Variants in TIAM2 observed in about 807,000 individuals in gnomAD.
The protein encoded by TIAM2 is TIAM Rac1 associated GEF 2.
A neutral mutation model predicts 152.9 loss-of-function variants in TIAM2; 80 were observed. The ratio of observed to expected loss-of-function variants is 0.52; its 90% CI spans 0.44 to 0.63. The LOEUF is 0.63. TIAM2 is among the 30% of genes least tolerant of loss of function. The pLI is 0.00. For synonymous variants in TIAM2, 804 were observed against 838.0 expected (o/e 0.96, Z 0.70); for missense variants, 1,965 against 2,120.1 (o/e 0.93, Z 1.44).
chr6:155,169,947 TA>T (rs1017171262), intron 9 of TIAM2, among the ~76,000 whole-genome samples: 9 of 152,032 alleles, frequency 5.9e-5, no homozygotes, highest in African/African-American at 2.2e-4. Context: ...GCCTCCTGAG[TA>T]GCTGGGATTA....
rs112988392 is a variant in TIAM2, at chr6:155,045,960, G to A, written c.-208-44329G>A. Among the ~76,000 whole-genome samples the A allele has an allele frequency of 2.0e-3, 302 of 150,636 alleles. 2 individuals carry two copies. Among genetic ancestry groups the A allele is most frequent in the African/African-American group, 6.8e-3 (277 of 40,474 alleles). ...TGTTTTAATGAGGAAGAGGAGGGGC[G>A]GGCGGGAGGTAGCAGGGGAGAGCAT... On this transcript the variant is annotated intron_variant, in intron 1 of 26. Coordinates refer to ENST00000682666, the MANE Select transcript of TIAM2 (RefSeq NM_012454.4).
chr6:155,250,133 A>G (rs573512449), intron 21 of TIAM2, among the ~76,000 whole-genome samples, 164 bp downstream of exon 21: 1 of 152,342 alleles, frequency 6.6e-6, no homozygotes, highest in South Asian at 2.1e-4. Flanking sequence ...ACATATAGAC[A>G]TATCATAAAA....
intron 1 of TIAM2, among the ~76,000 whole-genome samples, chr6:155,050,301 C>T (rs1777289240): frequency 1.3e-5 from 2 of 152,252 alleles, no homozygotes; most frequent in Admixed American, 6.5e-5. Context: ...GCTGGGATTA[C>T]AGGTGTGAGC....
chr6:155,254,528 C>G lies in TIAM2; in HGVS notation c.4423C>G (p.Arg1475Gly). The G allele has an allele frequency of 6.2e-7, 1 of 1,613,982 alleles. No homozygotes were observed. Among genetic ancestry groups the G allele is most frequent in the Non-Finnish European group, 8.5e-7 (1 of 1,179,870 alleles). The stretch of plus-strand genomic sequence containing the variant: ...ACCACTGGAGAAAACGTGTAAGGAT[C>G]GCCTGGTACCTCTTAAGAACCGAGT... ...ELPLEKTCKDRLVPLKNRVPV... is the reference protein window; with the variant it reads ...ELPLEKTCKDGLVPLKNRVPV... Residue 1475 changes from arginine to glycine, a missense_variant, in exon 26 of 27, where the codon CGC becomes GGC. Arg to Gly is a moderately radical substitution (Grantham distance 125). Around this residue, in one of 3 missense-constraint regions of TIAM2, gnomAD observed 935 missense variants for 980.0 expected, o/e 0.95. Coordinates refer to ENST00000682666, the MANE Select transcript of TIAM2 (RefSeq NM_012454.4).
chr6:155,168,718 A>G (rs960534712), intron 9 of TIAM2: 5 of 765,838 alleles, frequency 6.5e-6, no homozygotes, highest in African/African-American at 5.4e-5. Flanking sequence ...GAATAATGAT[A>G]CAAATTGTGA....
At chr6:155,086,112 G>A (rs536499106) in intron 1 of TIAM2, among the ~76,000 whole-genome samples, 1 of 152,206 alleles carries the variant, frequency 6.6e-6, no homozygotes, top group Non-Finnish European at 1.5e-5. Flanking sequence ...GCTCAGGGAA[G>A]CTTCATTGTT....
At chr6:155,224,918 G>GCATGC (rs1308913967) in intron 15 of TIAM2, among the ~76,000 whole-genome samples, 1 of 152,150 alleles carries the variant, frequency 6.6e-6, no homozygotes, top group East Asian at 1.9e-4. Context: ...TTCCTACCTT[G>GCATGC]CATGCCACTC....
Position 155,176,916 on chromosome 6 carries a change from GA to G in TIAM2, c.2463del (p.Val822LeufsTer3). ...TATGTCCACTTTCAGGACAATCACG[GA>G]GTTACTGTAGGGATCAAGCCAGAGC... ...QTYVHFQDNH[G>X]VTVGIKPEHR... On this transcript the variant is annotated frameshift_variant, in exon 10 of 27. Coordinates refer to ENST00000682666, the MANE Select transcript of TIAM2 (RefSeq NM_012454.4). LOFTEE classifies it high-confidence loss of function. 1 of 1,613,980 alleles carries G rather than the reference GA, an allele frequency of 6.2e-7. No homozygotes were observed. The highest frequency in any genetic ancestry group is 8.5e-7 in the Non-Finnish European group (1 of 1,179,978).
chr6:155,103,913 C>T (rs1778605672), intron 2 of TIAM2, among the ~76,000 whole-genome samples: 1 of 151,558 alleles, frequency 6.6e-6, no homozygotes, highest in Non-Finnish European at 1.5e-5. Context: ...CTTTCATTTA[C>T]ACTGGCTGTT....
chr6:155,224,839 A>C (rs1782185238), intron 15 of TIAM2, among the ~76,000 whole-genome samples: 2 of 152,258 alleles, frequency 1.3e-5, no homozygotes, highest in African/African-American at 2.4e-5. Flanking sequence ...TGGCATCTGC[A>C]CAGCGGGGAT....
intron 1 of TIAM2, among the ~76,000 whole-genome samples, chr6:155,028,706 T>C (rs1776702192): frequency 1.2e-5 from 1 of 85,362 alleles, no homozygotes; most frequent in South Asian, 3.1e-4. Context: ...TATACTGTGT[T>C]ATATATATAC....
Position 155,256,847 on chromosome 6 carries a change from C to T in TIAM2, c.4832C>T (p.Pro1611Leu), listed in dbSNP as rs1264383735. ...PDVHPEAEQQPGPESGEGQKG... is the reference protein window; with the variant it reads ...PDVHPEAEQQLGPESGEGQKG... Reference sequence around the variant, plus strand: ...GTTCACCCCGAGGCTGAGCAGCAGCCTGGCCCGGAGTCGGGTGAGGGTCAG... The same window carrying T: ...GTTCACCCCGAGGCTGAGCAGCAGCTTGGCCCGGAGTCGGGTGAGGGTCAG... The change falls in exon 27 of 27, where the codon CCT becomes CTT. Residue 1611 changes from proline to leucine, a missense_variant. By Grantham distance (98) the Pro-to-Leu change is moderately conservative. Transcript: ENST00000682666. 2 of 1,614,194 alleles carry T rather than the reference C, an allele frequency of 1.2e-6. No homozygotes were observed. Among genetic ancestry groups the T allele is most frequent in the Non-Finnish European group, 1.7e-6 (2 of 1,180,032 alleles).
At chr6:155,246,939 A>G (rs1370373844) in intron 19 of TIAM2, among the ~76,000 whole-genome samples, 1 of 152,238 alleles carries the variant, frequency 6.6e-6, no homozygotes, top group Non-Finnish European at 1.5e-5. Context: ...AACTGGTGGA[A>G]TCCAAGTAGC....
At chr6:155,245,030 C>A (rs6924441) in intron 18 of TIAM2, among the ~76,000 whole-genome samples, 51,665 of 151,806 alleles carry the variant, frequency 0.34, 9,506 homozygotes, top group Middle Eastern at 0.5. Flanking sequence ...TGGTTGTTGA[C>A]CACGTACGTG....
At chr6:155,180,069 C>T (rs1478314692) in intron 12 of TIAM2, among the ~76,000 whole-genome samples, 1 of 152,152 alleles carries the variant, frequency 6.6e-6, no homozygotes, top group Non-Finnish European at 1.5e-5. Context: ...CACCTGAGGT[C>T]GGGAGTTCGA....
intron 25 of TIAM2, 48 bp from the exon 26 acceptor site, chr6:155,254,371 G>A (rs986315549): frequency 4.4e-6 from 7 of 1,594,986 alleles, no homozygotes; most frequent in African/African-American, 1.3e-5. Flanking sequence ...ATGGAAGCAC[G>A]ATGAACACTG....
At chr6:155,147,570 C>T (rs1357453042) in intron 6 of TIAM2, among the ~76,000 whole-genome samples, 1 of 152,224 alleles carries the variant, frequency 6.6e-6, no homozygotes, top group Non-Finnish European at 1.5e-5. Context: ...ACTGCAACCT[C>T]CGCCTCCCAG....
Position 155,148,271 on chromosome 6 carries a change from G to C in TIAM2, c.1965G>C (p.Lys655Asn), listed in dbSNP as rs776323082. 1 of 1,612,394 alleles carries C rather than the reference G, an allele frequency of 6.2e-7. No homozygotes were observed. Among genetic ancestry groups the C allele is most frequent in the African/African-American group, 1.3e-5 (1 of 74,884 alleles). The change falls in exon 7 of 27, where the codon AAG becomes AAC. Residue 655 changes from lysine (K) to asparagine (N), a missense_variant. This residue lies in a region of TIAM2 where 1,025 missense variants were observed against 1,119.4 expected (regional missense o/e 0.92). Coordinates refer to ENST00000682666, the MANE Select transcript of TIAM2 (RefSeq NM_012454.4). ...QKIDMDSKMK[K>N]MAELQLSVVS... ...TAGACATGGACAGCAAGATGAAGAA[G>C]ATGGCAGAGCTGCAGCTGTCCGTGG...
intron 2 of TIAM2, among the ~76,000 whole-genome samples, chr6:155,091,243 C>T (rs1321922059): frequency 1.3e-5 from 2 of 151,246 alleles, no homozygotes. Flanking sequence ...CCTGCAAAGT[C>T]CTTGTCCCTC....
Sources: gnomAD v4.1 joint callset for allele counts (sites outside exome capture counted in the v4.1 genomes callset) on GRCh38, gnomAD v4.1.1 for gene constraint, gnomAD v4.1.1 regional missense constraint, MANE v1.5 for transcripts, NCBI Gene and HGNC (gene_info 2026-07-23, HGNC 2026-07-21) for gene names.